SLC14A2: variants seen among roughly 807,000 people sequenced by gnomAD.
SLC14A2 encodes solute carrier family 14 member 2, also known as urea transporter 2.
In SLC14A2, 91 loss-of-function variants were observed where a neutral mutation model predicts 104.6. The ratio of observed to expected loss-of-function variants is 0.87; its 90% CI spans 0.73 to 1.04. SLC14A2 has a LOEUF of 1.04. Among genes scored for constraint, SLC14A2 ranks in the 50% least tolerant of loss-of-function variants. The probability of loss-of-function intolerance (pLI) is 0.00; values close to 1 mark genes in which losing one functional copy is unlikely to be tolerated. For synonymous variants in SLC14A2, 476 were observed against 466.4 expected (o/e 1.02, Z -0.27); for missense variants, 1,189 against 1,156.0 (o/e 1.03, Z -0.41).
chr18:45,172,034 C>T, the SLC14A2 span, among the ~76,000 whole-genome samples: 4 of 152,106 alleles, frequency 2.6e-5, no homozygotes, highest in Non-Finnish European at 5.9e-5. Context: ...CAGATTTGTG[C>T]CAGAAAATAA....
chr18:45,442,221 G>A (rs2086692187), intron 1 of SLC14A2, among the ~76,000 whole-genome samples: 1 of 152,164 alleles, frequency 6.6e-6, no homozygotes, highest in Admixed American at 6.5e-5. Context: ...ATAAAATGAG[G>A]ATAGGACTAT....
intron 1 of SLC14A2, among the ~76,000 whole-genome samples, chr18:45,346,113 T>C (rs2085445231): frequency 6.6e-6 from 1 of 152,228 alleles, no homozygotes; most frequent in Non-Finnish European, 1.5e-5. Flanking sequence ...TTTTCTCTTC[T>C]ATGAATTGAC....
chr18:45,237,329 A>C (rs1026267285), intron 1 of SLC14A2, among the ~76,000 whole-genome samples: 1 of 152,182 alleles, frequency 6.6e-6, no homozygotes, highest in African/African-American at 2.4e-5. Flanking sequence ...CAGGATGCCC[A>C]GGAGAGTGTC....
intron 1 of SLC14A2, among the ~76,000 whole-genome samples, chr18:45,384,360 C>T (rs566113780): frequency 6.6e-6 from 1 of 152,252 alleles, no homozygotes; most frequent in Non-Finnish European, 1.5e-5. Context: ...GTCTGGGAAT[C>T]CATGAACAAA....
At chr18:45,529,697 A>C (rs2043652001) in intron 2 of SLC14A2, 1 of 152,132 alleles carries the variant, frequency 6.6e-6, no homozygotes, top group African/African-American at 2.4e-5. Context: ...AGGAGTTTTG[A>C]CTTAAGAACT....
At chr18:45,342,750 A>G (rs1232817414) in intron 1 of SLC14A2, among the ~76,000 whole-genome samples, 1 of 152,212 alleles carries the variant, frequency 6.6e-6, no homozygotes, top group African/African-American at 2.4e-5. Context: ...GTTGAACTGA[A>G]TATGGAAAGA....
chr18:45,339,472 A>G (rs1304357172), intron 1 of SLC14A2, among the ~76,000 whole-genome samples: 1 of 152,134 alleles, frequency 6.6e-6, no homozygotes, highest in African/African-American at 2.4e-5. Flanking sequence ...TAAAATACTA[A>G]CTATGCACCT....
intron 2 of SLC14A2, among the ~76,000 whole-genome samples, chr18:45,559,253 AGAGGCACT>A (rs2044172868): frequency 6.6e-6 from 1 of 152,234 alleles, no homozygotes; most frequent in Non-Finnish European, 1.5e-5. Flanking sequence ...AACAAAGGAA[AGAGGCACT>A]GAGCATTTGG....
chr18:45,675,700 T>TAA (rs2046214857), intron 18 of SLC14A2, among the ~76,000 whole-genome samples: 2 of 64,086 alleles, frequency 3.1e-5, no homozygotes, highest in Non-Finnish European at 6.0e-5. Context: ...TATATATATA[T>TAA]ATATATATAT....
chr18:45,407,033 C>T (rs1221476860), intron 1 of SLC14A2, among the ~76,000 whole-genome samples: 2 of 152,106 alleles, frequency 1.3e-5, no homozygotes, highest in Non-Finnish European at 2.9e-5. Context: ...CTGCATTAGC[C>T]CCTAACAAGA....
At chr18:45,480,778 C>T (rs1392489077) in intron 1 of SLC14A2, among the ~76,000 whole-genome samples, 1 of 152,202 alleles carries the variant, frequency 6.6e-6, no homozygotes, top group East Asian at 1.9e-4. Flanking sequence ...GTCTGGTGCC[C>T]TGTCCAGAGA....
At chr18:45,682,063 T>A (rs1032856019) in intron 19 of SLC14A2, among the ~76,000 whole-genome samples, 1 of 152,240 alleles carries the variant, frequency 6.6e-6, no homozygotes, top group African/African-American at 2.4e-5. Context: ...TATTATGTTC[T>A]GATGACTTCT....
intron 18 of SLC14A2, among the ~76,000 whole-genome samples, chr18:45,675,111 A>C (rs1886843246): frequency 1.3e-5 from 2 of 152,296 alleles, no homozygotes; most frequent in South Asian, 4.2e-4. Flanking sequence ...CACTGGTTTC[A>C]AGGAAACTGA....
intron 1 of SLC14A2, among the ~76,000 whole-genome samples, chr18:45,238,091 G>A (rs941062029): frequency 6.6e-6 from 1 of 152,144 alleles, no homozygotes; most frequent in Non-Finnish European, 1.5e-5. Context: ...TGGAAACTGA[G>A]GAAACAAAAA....
chr18:45,666,347 T>C, intron 12 of SLC14A2, 128 bp downstream of exon 12: 1 of 629,438 alleles, frequency 1.6e-6, no homozygotes, highest in Non-Finnish European at 2.9e-6. Context: ...TCGTATTTTC[T>C]GAAATGTAAT....
intron 2 of SLC14A2, among the ~76,000 whole-genome samples, chr18:45,542,043 T>TG (rs1568268263): frequency 8.7e-6 from 1 of 114,312 alleles, no homozygotes; most frequent in African/African-American, 3.0e-5. Context: ...GGGTTTTTTT[T>TG]TTTTTTTTTT....
intron 2 of SLC14A2, among the ~76,000 whole-genome samples, chr18:45,571,605 C>G (rs957392947): frequency 1.3e-5 from 2 of 152,250 alleles, no homozygotes; most frequent in Admixed American, 1.3e-4. Context: ...GCTCCTGACT[C>G]CTTGCTGAGC....
At chr18:45,184,616 T>C in the SLC14A2 span, among the ~76,000 whole-genome samples, 4 of 152,202 alleles carry the variant, frequency 2.6e-5, no homozygotes, top group Non-Finnish European at 5.9e-5. Flanking sequence ...CTGACTTACT[T>C]AATCCTGCAA....
Position 45,639,852 on chromosome 18 carries a change from G to C in SLC14A2, c.950G>C (p.Cys317Ser). 1 of 1,613,794 alleles carries C rather than the reference G, an allele frequency of 6.2e-7. No individual in the cohort carries two copies. The highest frequency in any genetic ancestry group is 1.1e-5 in the South Asian group (1 of 91,062). ...VALFISSPLI[C>S]LHAAIGSIVG... ...CTGTTCATCTCCTCGCCACTCATCT[G>C]CTTGCATGCAGCCATTGGCTCAATC... Residue 317 changes from cysteine to serine, a missense_variant, in exon 7 of 20, where the codon TGC (cysteine) becomes TCC (serine). Coordinates refer to ENST00000255226, the MANE Select transcript of SLC14A2 (RefSeq NM_007163.4).
Sources: allele counts gnomAD v4.1 joint callset (sites outside exome capture counted in the v4.1 genomes callset), GRCh38; gene constraint gnomAD v4.1.1; transcripts MANE v1.5; gene names NCBI Gene and HGNC (gene_info 2026-07-23, HGNC 2026-07-21).